Variants in CDK14 observed in about 807,000 individuals in gnomAD.
CDK14 encodes cyclin-dependent kinase 14.
A neutral mutation model predicts 60.7 loss-of-function variants in CDK14; 34 were observed. The ratio of observed to expected loss-of-function variants is 0.56; its 90% confidence interval spans 0.43 to 0.75. CDK14 has a LOEUF of 0.75. CDK14 is among the 30% of genes least tolerant of loss of function. The pLI is 0.00. For missense variants in CDK14, 482 were observed against 564.1 expected (o/e 0.85, Z 1.47); for synonymous variants, 197 against 203.7 (o/e 0.97, Z 0.28).
rs1788641277 is a variant in CDK14 at position 90,801,780 on chromosome 7, C to CA, written c.544+11131dup. 4.6e-5 allele frequency among the ~76,000 whole-genome samples: 7 copies of CA among 151,998 alleles called. No individual in the cohort carries two copies. In the South Asian group the frequency reaches 1.5e-3, roughly 32 times the overall value. On this transcript the variant is annotated intron_variant, in intron 5 of 14. Transcript: ENST00000380050. ...TGTCCCATAAGAGCCTTTTTTTATCCAAATATATAGTTTTGATGATCAAAT... is the reference window on the plus strand; with the variant it reads ...TGTCCCATAAGAGCCTTTTTTTATCCAAAATATATAGTTTTGATGATCAAAT...
chr7:90,617,167 C>T (rs941449330), intron 2 of CDK14, among the ~76,000 whole-genome samples: 1 of 151,608 alleles, frequency 6.6e-6, no homozygotes, highest in African/African-American at 2.4e-5. Context: ...TATAAGTATC[C>T]TCTCCATGGG....
chr7:91,168,662 CAA>C (rs1482505239), intron 14 of CDK14, among the ~76,000 whole-genome samples: 1 of 152,182 alleles, frequency 6.6e-6, no homozygotes, highest in African/African-American at 2.4e-5. Context: ...TCCACTAACA[CAA>C]GTTACATTTT....
chr7:91,000,356 T>G (rs1422397522), intron 10 of CDK14, among the ~76,000 whole-genome samples: 2 of 152,244 alleles, frequency 1.3e-5, no homozygotes, highest in Non-Finnish European at 2.9e-5. Context: ...TCTCTTTTTA[T>G]GTGATCCTGT....
intron 6 of CDK14, among the ~76,000 whole-genome samples, chr7:90,877,121 A>G (rs1782039616): frequency 6.6e-6 from 1 of 152,210 alleles, no homozygotes; most frequent in Non-Finnish European, 1.5e-5. Context: ...TACATTTGAC[A>G]GTATTTTAAA....
chr7:90,766,647 C>A (rs1804574671), intron 4 of CDK14, among the ~76,000 whole-genome samples: 4 of 152,076 alleles, frequency 2.6e-5, no homozygotes, highest in Admixed American at 2.6e-4. Context: ...CTATTCTTAC[C>A]CTACCCTTCT....
At chr7:90,929,985 C>T (rs1793538435) in intron 8 of CDK14, among the ~76,000 whole-genome samples, 2 of 152,142 alleles carry the variant, frequency 1.3e-5, no homozygotes, top group African/African-American at 4.8e-5. Context: ...CAGAAATCTA[C>T]ATGTAAAATG....
chr7:90,660,163 A>G (rs1256132879), intron 2 of CDK14, among the ~76,000 whole-genome samples: 1 of 152,178 alleles, frequency 6.6e-6, no homozygotes, highest in Non-Finnish European at 1.5e-5. Context: ...TTGAACGTGT[A>G]GAATGTTGAG....
At chr7:90,634,678 T>C (rs1250736250) in intron 2 of CDK14, among the ~76,000 whole-genome samples, 1 of 151,956 alleles carries the variant, frequency 6.6e-6, no homozygotes, top group African/African-American at 2.4e-5. Context: ...AAATGGTATT[T>C]CTAGTTCTAG....
chr7:91,176,315 T>C (rs1801752992), intron 14 of CDK14, among the ~76,000 whole-genome samples: 1 of 152,178 alleles, frequency 6.6e-6, no homozygotes, highest in African/African-American at 2.4e-5. Context: ...AAGTAGTGTG[T>C]AGAGGGAAAT....
chr7:90,765,689 T>G (rs1335984059), intron 4 of CDK14, among the ~76,000 whole-genome samples: 1 of 150,460 alleles, frequency 6.6e-6, no homozygotes, highest in Non-Finnish European at 1.5e-5. Context: ...GATGAAAAAA[T>G]GTAGGGTAAA....
intron 4 of CDK14, among the ~76,000 whole-genome samples, chr7:90,775,630 TCCCCCTTCCCCTCCCC>T (rs1804999501): frequency 5.6e-5 from 2 of 35,668 alleles, no homozygotes. Context: ...CTCCTCCCCC[TCCCCCTTCCCCTCCCC>T]CTTCCCCTCC....
intron 9 of CDK14, among the ~76,000 whole-genome samples, chr7:90,981,447 CATT>C (rs1391397892): frequency 3.9e-5 from 6 of 152,136 alleles, no homozygotes; most frequent in Non-Finnish European, 7.4e-5. Flanking sequence ...TGTTTTTAGT[CATT>C]ATAACACTGT....
intron 10 of CDK14, among the ~76,000 whole-genome samples, chr7:91,000,430 T>C (rs1223533782): frequency 1.3e-5 from 2 of 152,244 alleles, no homozygotes; most frequent in Admixed American, 1.3e-4. Flanking sequence ...TACACACTTA[T>C]TCCAGATTGT....
chr7:90,773,878 T>A, intron 4 of CDK14, among the ~76,000 whole-genome samples: 1 of 105,858 alleles, frequency 9.4e-6, no homozygotes, highest in Non-Finnish European at 1.8e-5. Context: ...TCTCCTCTCC[T>A]CTCCTCTCCT....
chr7:91,163,127 G>A (rs1801220511), intron 14 of CDK14, among the ~76,000 whole-genome samples: 1 of 152,178 alleles, frequency 6.6e-6, no homozygotes. Context: ...TGACCCACAA[G>A]GTATTAGATT....
intron 4 of CDK14, among the ~76,000 whole-genome samples, chr7:90,761,395 T>C (rs1322044331): frequency 1.3e-5 from 2 of 151,976 alleles, no homozygotes; most frequent in African/African-American, 2.4e-5. Flanking sequence ...AAAGTCATTA[T>C]GTGAGGACTC....
At chr7:90,958,961 T>A (rs1200148585) in intron 9 of CDK14, among the ~76,000 whole-genome samples, 1 of 152,106 alleles carries the variant, frequency 6.6e-6, no homozygotes, top group African/African-American at 2.4e-5. Flanking sequence ...AAATGGACTG[T>A]GACATAATAT....
intron 4 of CDK14, among the ~76,000 whole-genome samples, chr7:90,778,513 G>A (rs894863887): frequency 7.2e-5 from 11 of 152,184 alleles, no homozygotes; most frequent in Non-Finnish European, 1.5e-4. Flanking sequence ...ACCATAGCGA[G>A]TGAGCTGCAG....
intron 4 of CDK14, among the ~76,000 whole-genome samples, chr7:90,788,479 C>T (rs1805692967): frequency 6.6e-6 from 1 of 152,120 alleles, no homozygotes; most frequent in Non-Finnish European, 1.5e-5. Context: ...GAAGAAGTTG[C>T]AGAACAGAAA....
Sources: allele counts gnomAD v4.1 joint callset (sites outside exome capture counted in the v4.1 genomes callset), GRCh38; gene constraint gnomAD v4.1.1; transcripts MANE v1.5; gene names NCBI Gene and HGNC (gene_info 2026-07-23, HGNC 2026-07-21).